The following GPC5 variants were observed in gnomAD, a reference collection of about 807,000 sequenced individuals.
The protein encoded by GPC5 is glypican-5.
GPC5 carries 47 observed loss-of-function variants against 53.9 expected under a neutral mutation model. That is an observed-to-expected ratio of 0.87 (90% CI 0.69 to 1.11). The LOEUF is 1.11. Ranked by LOEUF, GPC5 falls within the 50% of genes most tolerant of loss-of-function variation. The pLI is 0.00. For synonymous variants in GPC5, 286 were observed against 263.3 expected (o/e 1.09, Z -0.84); for missense variants, 748 against 713.1 (o/e 1.05, Z -0.56).
chr13:91,576,321 G>GTATA (rs59110803), intron 2 of GPC5, among the ~76,000 whole-genome samples: 2,052 of 115,660 alleles, frequency 0.018, 34 homozygotes, highest in Admixed American at 0.058. Flanking sequence ...TACACAATGT[G>GTATA]TATATATATA....
chr13:91,751,501 G>C (rs888055458), intron 4 of GPC5, among the ~76,000 whole-genome samples: 1 of 152,164 alleles, frequency 6.6e-6, no homozygotes, highest in Non-Finnish European at 1.5e-5. Context: ...AGAATGACAG[G>C]GCAGCCTTCC....
At chr13:91,975,876 G>A (rs545103366) in intron 6 of GPC5, among the ~76,000 whole-genome samples, 2 of 152,268 alleles carry the variant, frequency 1.3e-5, no homozygotes, top group African/African-American at 4.8e-5. Flanking sequence ...CAACCCAAAT[G>A]CCCAACAATG....
chr13:92,061,365 T>C (rs2041122302), intron 6 of GPC5, among the ~76,000 whole-genome samples: 2 of 152,014 alleles, frequency 1.3e-5, no homozygotes, highest in African/African-American at 2.4e-5. Context: ...TAATATGTGG[T>C]TTACAACAAA....
intron 7 of GPC5, among the ~76,000 whole-genome samples, chr13:92,663,793 CACACACTATATATAT>C (rs1436091478): frequency 1.2e-3 from 160 of 135,344 alleles, no homozygotes; most frequent in African/African-American, 4.2e-3. Context: ...ACTATATATA[CACACACTATATATAT>C]ACACACTATA....
chr13:91,562,181 G>A (rs2031297517), intron 2 of GPC5, among the ~76,000 whole-genome samples: 1 of 36,388 alleles, frequency 2.7e-5, no homozygotes, highest in Admixed American at 4.0e-4. Context: ...AGAAAAAGGA[G>A]CAACAGTAAA....
At chr13:92,149,459 T>G (rs2041891823) in intron 7 of GPC5, among the ~76,000 whole-genome samples, 1 of 152,010 alleles carries the variant, frequency 6.6e-6, no homozygotes, top group African/African-American at 2.4e-5. Flanking sequence ...AGATCTAGAA[T>G]TTTTGGTTGA....
intron 7 of GPC5, among the ~76,000 whole-genome samples, chr13:92,152,517 A>C (rs932378529): frequency 4.6e-5 from 7 of 152,152 alleles, no homozygotes; most frequent in African/African-American, 1.2e-4. Context: ...TCTATAAATT[A>C]GTAATAAAGG....
chr13:92,532,526 C>T (rs1173916711), intron 7 of GPC5, among the ~76,000 whole-genome samples: 1 of 152,082 alleles, frequency 6.6e-6, no homozygotes, highest in Non-Finnish European at 1.5e-5. Context: ...AAATACAAAA[C>T]ACTGTATGTG....
intron 7 of GPC5, among the ~76,000 whole-genome samples, chr13:92,692,603 T>C (rs937156486): frequency 1.3e-5 from 2 of 151,086 alleles, no homozygotes; most frequent in Non-Finnish European, 1.5e-5. Context: ...GTGGGTGCAG[T>C]ACACCAGCAT....
At chr13:92,617,021 ATGTTGTGGGATATTT>A (rs1449296263) in intron 7 of GPC5, among the ~76,000 whole-genome samples, 7 of 152,368 alleles carry the variant, frequency 4.6e-5, no homozygotes, top group African/African-American at 1.7e-4. Flanking sequence ...ATTACTTCAA[ATGTTGTGGGATATTT>A]AAATAAATCA....
intron 7 of GPC5, among the ~76,000 whole-genome samples, chr13:92,554,647 A>G (rs1215907791): frequency 2.6e-5 from 4 of 151,460 alleles, no homozygotes; most frequent in Non-Finnish European, 5.9e-5. Context: ...CAAGACAGAA[A>G]TAAAGGAGAT....
At chr13:91,466,359 C>T (rs1002005019) in intron 2 of GPC5, among the ~76,000 whole-genome samples, 5 of 152,170 alleles carry the variant, frequency 3.3e-5, no homozygotes, top group African/African-American at 1.2e-4. Flanking sequence ...TTTGGCCTCT[C>T]AGCACCTTCC....
At chr13:92,708,856 CCTTTTTTTTTTTTT>C (rs1481303091) in intron 7 of GPC5, among the ~76,000 whole-genome samples, 25 of 87,056 alleles carry the variant, frequency 2.9e-4, no homozygotes, top group Non-Finnish European at 5.0e-4. Context: ...CTGGAAACCG[CCTTTTTTTTTTTTT>C]TTTTTTTTTT....
chr13:91,989,397 GA>G (rs1387008932), intron 6 of GPC5, among the ~76,000 whole-genome samples: 4 of 152,118 alleles, frequency 2.6e-5, no homozygotes, highest in Non-Finnish European at 5.9e-5. Context: ...ATCAAAAGAA[GA>G]AATTGAACTG....
At chr13:92,243,141 T>G (rs550316444) in intron 7 of GPC5, among the ~76,000 whole-genome samples, 1 of 152,330 alleles carries the variant, frequency 6.6e-6, no homozygotes, top group African/African-American at 2.4e-5. Flanking sequence ...GAGACTTAAT[T>G]TGACTTGTTA....
chr13:91,532,276 G>T (rs1285043348), intron 2 of GPC5, among the ~76,000 whole-genome samples: 4 of 152,168 alleles, frequency 2.6e-5, no homozygotes, highest in South Asian at 2.1e-4. Flanking sequence ...TAATCCAAAT[G>T]CAGGAAGGTG....
chr13:91,941,951 T>C (rs1483731805), intron 6 of GPC5, among the ~76,000 whole-genome samples: 2 of 152,192 alleles, frequency 1.3e-5, no homozygotes, highest in Admixed American at 6.5e-5. Flanking sequence ...GATGGTGTGA[T>C]ATATGTGTAT....
chr13:92,418,019 C>T (rs1038813434), intron 7 of GPC5, among the ~76,000 whole-genome samples: 1 of 152,078 alleles, frequency 6.6e-6, no homozygotes, highest in African/African-American at 2.4e-5. Context: ...ATGGATGAAT[C>T]TTGAAAACAT....
At chr13:92,659,808 G>A (rs759319805) in intron 7 of GPC5, among the ~76,000 whole-genome samples, 78 of 152,164 alleles carry the variant, frequency 5.1e-4, no homozygotes, top group Non-Finnish European at 1.0e-3. Flanking sequence ...GTTCCCTGAG[G>A]AAGTGATAGC....
Sources: allele counts gnomAD v4.1 joint callset (sites outside exome capture counted in the v4.1 genomes callset), GRCh38; gene constraint gnomAD v4.1.1; transcripts MANE v1.5; gene names NCBI Gene and HGNC (gene_info 2026-07-23, HGNC 2026-07-21).